DCAF8L2: variants seen among roughly 807,000 people sequenced by gnomAD.
DCAF8L2 encodes DDB1 and CUL4 associated factor 8 like 2.
For missense variants in DCAF8L2, 430 were observed against 490.7 expected, an observed-to-expected ratio of 0.88 and a Z score of 1.17; for synonymous variants, 200 against 190.9, an observed-to-expected ratio of 1.05 and a Z score of -0.39.
At chrX:27,489,652 C>T in the DCAF8L2 span, among the ~76,000 whole-genome samples, 1 of 111,971 alleles carries the variant, frequency 8.9e-6, no homozygotes, top group African/African-American at 3.2e-5. Flanking sequence ...GAAGTTTTCA[C>T]ATCTTTTGTG....
chrX:27,514,662 C>A, the DCAF8L2 span, among the ~76,000 whole-genome samples: 3 of 54,338 alleles, frequency 5.5e-5, no homozygotes, highest in African/African-American at 1.4e-4. Context: ...GAGCGAGACT[C>A]CGTCTCAAAA....
At position 27,727,678 on chromosome X, in the gene DCAF8L2, C is replaced by T. The variant is rs996530595; in HGVS notation, c.-59+11507C>T. ...AATTTCCTTTCCTAGCCCCAAAACA[C>T]ACATATAAACACCGTGCTAAAATTT... is the stretch of plus-strand genomic sequence containing the variant. On this transcript the variant is annotated intron_variant, in intron 4 of 4. Coordinates refer to ENST00000451261, the MANE Select transcript of DCAF8L2 (RefSeq NM_001353450.2). Among the ~76,000 whole-genome samples the T allele has an allele frequency of 1.3e-4, 14 of 111,506 alleles. No homozygotes were observed. The East Asian group carries it at 3.6e-3, about 29-fold the overall frequency.
rs564653463 is a variant in DCAF8L2 at position 27,737,668 on chromosome X, A to C, written c.-58-9170A>C. On this transcript the variant is annotated intron_variant, in intron 4 of 4. Transcript: ENST00000451261. ...TAATTCAATTAGCATACATTTGGCT[A>C]TTTTAATTGTTTTTAATAGAAATTG... Among the ~76,000 whole-genome samples, 5 of 109,332 alleles carry C rather than the reference A, an allele frequency of 4.6e-5. No homozygotes were observed. The Admixed American group carries it at 4.9e-4, about 11-fold the overall frequency. The allele number at this position is 109,332 out of a possible 115,157, so 94.9% of individuals were successfully genotyped here. A position where few individuals can be genotyped will look rare whatever the true frequency, so the allele number is the denominator to read the frequency against.
At chrX:27,568,037 T>C in the DCAF8L2 span, among the ~76,000 whole-genome samples, 1 of 111,404 alleles carries the variant, frequency 9.0e-6, no homozygotes, top group Non-Finnish European at 1.9e-5. Flanking sequence ...TTTCTCCTGA[T>C]TTCTGGGAAG....
chrX:27,469,069 T>C, the DCAF8L2 span, among the ~76,000 whole-genome samples: 4 of 111,988 alleles, frequency 3.6e-5, no homozygotes, highest in African/African-American at 1.3e-4. Flanking sequence ...TTCTCAGTAC[T>C]AGCTGTGCGC....
chrX:27,747,063 T>A lies in DCAF8L2; in HGVS notation c.168T>A (p.Asp56Glu). 8.5e-7 allele frequency: 1 copy of A among 1,169,618 alleles called. No homozygotes were observed. The highest frequency in any genetic ancestry group is 1.1e-6 in the Non-Finnish European group (1 of 873,910). ...LSVTVTGDGS[D>E]SRDGGFPNDA... ...TGACAGTGACCGGAGATGGCAGTGA[T>A]AGCAGGGATGGTGGATTCCCCAACG... is the stretch of plus-strand genomic sequence containing the variant. The change falls in exon 5 of 5, where the codon GAT becomes GAA. Residue 56 changes from aspartate (D) to glutamate (E), a missense_variant. Physicochemically the swap from Asp to Glu is conservative, Grantham distance 45. Coordinates refer to ENST00000451261, the MANE Select transcript of DCAF8L2 (RefSeq NM_001353450.2).
At chrX:27,722,925 A>G (rs192557752) in intron 4 of DCAF8L2, among the ~76,000 whole-genome samples, 1 of 111,290 alleles carries the variant, frequency 9.0e-6, no homozygotes, top group African/African-American at 3.2e-5. Context: ...TAGAAAAAAA[A>G]TAAGTTATTG....
intron 1 of DCAF8L2, among the ~76,000 whole-genome samples, chrX:27,628,425 T>G (rs1249055737): frequency 1.8e-5 from 2 of 111,749 alleles, no homozygotes; most frequent in African/African-American, 6.5e-5. Flanking sequence ...GATACTGATT[T>G]TATTTCCTTT....
chrX:27,526,973 G>A, the DCAF8L2 span, among the ~76,000 whole-genome samples: 1 of 112,494 alleles, frequency 8.9e-6, no homozygotes, highest in South Asian at 3.7e-4. Context: ...TCAGGGGTCT[G>A]GGACCCACTT....
intron 1 of DCAF8L2, among the ~76,000 whole-genome samples, chrX:27,628,764 C>T (rs760130617): frequency 4.8e-4 from 53 of 110,473 alleles, no homozygotes; most frequent in African/African-American, 9.5e-4. Context: ...CCACCACGCC[C>T]GGCTAATTTT....
At chrX:27,592,567 G>T (rs979067659) in intron 1 of DCAF8L2, among the ~76,000 whole-genome samples, 1 of 109,439 alleles carries the variant, frequency 9.1e-6, no homozygotes, top group Non-Finnish European at 1.9e-5. Context: ...CTCCTGAGTA[G>T]CTGGGACTAC....
At chrX:27,533,008 C>T in the DCAF8L2 span, among the ~76,000 whole-genome samples, 15 of 102,894 alleles carry the variant, frequency 1.5e-4, no homozygotes, top group South Asian at 4.8e-4. Flanking sequence ...ACCTGGGAAG[C>T]GGAGGTTGCT....
chrX:27,566,178 G>GTA, the DCAF8L2 span, among the ~76,000 whole-genome samples: 2 of 104,870 alleles, frequency 1.9e-5, no homozygotes, highest in East Asian at 6.7e-4. Flanking sequence ...GGAAAGGAAT[G>GTA]TATCCACTGG....
At chrX:27,742,582 A>G (rs763694695) in intron 4 of DCAF8L2, among the ~76,000 whole-genome samples, 54 of 108,661 alleles carry the variant, frequency 5.0e-4, no homozygotes, top group African/African-American at 1.7e-3. Context: ...AACAAAAACA[A>G]AAACAAAAAC....
intron 4 of DCAF8L2, among the ~76,000 whole-genome samples, chrX:27,727,110 TG>T (rs1412636848): frequency 1.8e-5 from 2 of 111,952 alleles, no homozygotes; most frequent in Admixed American, 9.5e-5. Context: ...GACATCTCAT[TG>T]TGGTTTTAGT....
At chrX:27,494,880 C>T in the DCAF8L2 span, among the ~76,000 whole-genome samples, 2 of 111,155 alleles carry the variant, frequency 1.8e-5, no homozygotes, top group African/African-American at 6.5e-5. Flanking sequence ...AATTTTATTG[C>T]TCTTTATCAA....
the DCAF8L2 span, among the ~76,000 whole-genome samples, chrX:27,489,759 C>T: frequency 8.9e-6 from 1 of 112,323 alleles, no homozygotes; most frequent in Non-Finnish European, 1.9e-5. Flanking sequence ...TTACATTCCC[C>T]TCACCAGTGT....
chrX:27,532,043 GGATA>G, the DCAF8L2 span, among the ~76,000 whole-genome samples: 25 of 104,784 alleles, frequency 2.4e-4, no homozygotes, highest in Middle Eastern at 0.025. Flanking sequence ...ATAGAGGGAT[GGATA>G]GATAAATTGA....
intron 4 of DCAF8L2, 71 bp from the exon 5 acceptor site, chrX:27,746,767 G>A (rs1922190103): frequency 1.6e-5 from 9 of 566,183 alleles, no homozygotes; most frequent in African/African-American, 4.7e-5. Context: ...CAATCAGATT[G>A]CTGTTTGATT....
Sources: gnomAD v4.1 joint callset for allele counts (sites outside exome capture counted in the v4.1 genomes callset) on GRCh38, gnomAD v4.1.1 for gene constraint, MANE v1.5 for transcripts, NCBI Gene and HGNC (gene_info 2026-07-23, HGNC 2026-07-21) for gene names.